The following RAB17 variants were observed in gnomAD, a reference collection of about 807,000 sequenced individuals.
RAB17 encodes ras-related protein Rab-17.
RAB17 carries 15 observed loss-of-function variants against 19.3 expected under a neutral mutation model. The observed-to-expected ratio is 0.78, with a 90% confidence interval of 0.52 to 1.20. The LOEUF (loss-of-function observed/expected upper bound fraction) is 1.20, where lower values mean the gene tolerates loss of function less well. Ranked by LOEUF, RAB17 falls within the 50% of genes most tolerant of loss-of-function variation. The pLI is 0.00. For synonymous variants in RAB17, 110 were observed against 112.8 expected (o/e 0.97, Z 0.16); for missense variants, 262 against 269.3 (o/e 0.97, Z 0.19).
intron 2 of RAB17, among the ~76,000 whole-genome samples, chr2:237,584,627 G>A (rs2081334197): frequency 6.6e-6 from 1 of 152,144 alleles, no homozygotes; most frequent in Admixed American, 6.5e-5. Context: ...GTGTCAGAGT[G>A]AGATCCATCC....
intron 2 of RAB17, 108 bp downstream of exon 2, chr2:237,585,890 A>G: frequency 8.0e-7 from 1 of 1,246,054 alleles, no homozygotes; most frequent in East Asian, 2.6e-5. Flanking sequence ...TCAAGGTCCC[A>G]GCATGGGGAT....
At chr2:237,586,276 C>CTTTTT in intron 1 of RAB17, 119 bp from the exon 2 acceptor site, 1 of 1,024,198 alleles carries the variant, frequency 9.8e-7, no homozygotes, top group Non-Finnish European at 1.4e-6. Flanking sequence ...GAGCTCCCAA[C>CTTTTT]TCAGAGGCCA....
Position 237,574,596 on chromosome 2 carries a change from TCCCCAACCCCC to T in RAB17, c.*412_*422del. 1 of 1,541,488 alleles carries T rather than the reference TCCCCAACCCCC, an allele frequency of 6.5e-7. No individual in the cohort carries two copies. The highest frequency in any genetic ancestry group is 1.2e-5 in the South Asian group (1 of 82,270). On this transcript the variant is annotated 3_prime_UTR_variant, in exon 6 of 6. Transcript: ENST00000264601. ...GCACCACCACCTCCATCTGGCCTGCTCCCCAACCCCCCAGAAGCAGGTGGGCCCAGGCTCCA... is the reference window on the plus strand; with the variant it reads ...GCACCACCACCTCCATCTGGCCTGCTCAGAAGCAGGTGGGCCCAGGCTCCA...
At chr2:237,581,065 C>T (rs574850812) in intron 2 of RAB17, among the ~76,000 whole-genome samples, 1 of 152,270 alleles carries the variant, frequency 6.6e-6, no homozygotes, top group South Asian at 2.1e-4. Context: ...ATTTCTATAT[C>T]TCCATGGCTA....
rs201981971 is a variant in RAB17 at position 237,582,081 on chromosome 2, TGGACTCCCGTCCCTC to T, written c.157+3902_157+3916del. Among the ~76,000 whole-genome samples, 994 of 152,378 alleles carry T rather than the reference TGGACTCCCGTCCCTC, an allele frequency of 6.5e-3. 14 individuals carry two copies. Among genetic ancestry groups the T allele is most frequent in the Admixed American group, 0.034 (515 of 15,302 alleles). ...GGGTGGGCGGGAGGCTGCGCTCACTTGGACTCCCGTCCCTCGGACTCCCGTCCGTTCTGCCTCTGC... is the reference window on the plus strand; with the variant it reads ...GGGTGGGCGGGAGGCTGCGCTCACTTGGACTCCCGTCCGTTCTGCCTCTGC... On this transcript the variant is annotated intron_variant, in intron 2 of 5. Coordinates refer to ENST00000264601, the MANE Select transcript of RAB17 (RefSeq NM_022449.4).
chr2:237,584,671 C>T (rs1159676043), intron 2 of RAB17, among the ~76,000 whole-genome samples: 1 of 152,166 alleles, frequency 6.6e-6, no homozygotes, highest in East Asian at 1.9e-4. Flanking sequence ...CACCTGCTGC[C>T]TCTCTCTGCA....
rs2081348334 is a variant in RAB17 at position 237,586,108 on chromosome 2, TGGCTGGGGGCAGCCCTG to T, written c.30_46del (p.Arg11AlafsTer16). ...GAGAACCAGCTTGAACACACGGGGCTGGCTGGGGGCAGCCCTGGGCTGGGGGGTCCTGTGTGCCTGTG... is the reference window on the plus strand; with the variant it reads ...GAGAACCAGCTTGAACACACGGGGCTGGCTGGGGGGTCCTGTGTGCCTGTG... On this transcript the variant is annotated frameshift_variant, in exon 2 of 6. Transcript: ENST00000264601. LOFTEE classifies it high-confidence loss of function. 2 of 1,612,494 alleles carry T rather than the reference TGGCTGGGGGCAGCCCTG, an allele frequency of 1.2e-6. No homozygotes were observed. The highest frequency in any genetic ancestry group is 1.7e-6 in the Non-Finnish European group (2 of 1,179,282).
chr2:237,578,936 CACACAA>C (rs938000829), intron 2 of RAB17: 4 of 150,760 alleles, frequency 2.7e-5, no homozygotes, highest in African/African-American at 1.0e-4. Flanking sequence ...CACACACACA[CACACAA>C]CTACTCCCAA....
At chr2:237,589,632 G>A (rs745493095) in intron 1 of RAB17, among the ~76,000 whole-genome samples, 1 of 152,162 alleles carries the variant, frequency 6.6e-6, no homozygotes, top group Non-Finnish European at 1.5e-5. Context: ...GGAGCCTTCT[G>A]TCCAAAGAGA....
chr2:237,580,210 G>A (rs1680207042), intron 2 of RAB17, among the ~76,000 whole-genome samples: 2 of 152,138 alleles, frequency 1.3e-5, no homozygotes, highest in Admixed American at 1.3e-4. Flanking sequence ...GGAGAGAAAG[G>A]GCATATGAAT....
intron 3 of RAB17, 64 bp from the exon 4 acceptor site, chr2:237,577,446 AG>A: frequency 1.3e-6 from 2 of 1,522,638 alleles, no homozygotes. Context: ...CTATTCCGGG[AG>A]GGGGAAGCCA....
intron 2 of RAB17, among the ~76,000 whole-genome samples, chr2:237,582,189 CT>C (rs2081314338): frequency 6.6e-6 from 1 of 152,254 alleles, no homozygotes. Flanking sequence ...GTCCATGTCC[CT>C]TTCTGGCTCT....
At chr2:237,588,119 G>A (rs1374579940) in intron 1 of RAB17, among the ~76,000 whole-genome samples, 1 of 152,230 alleles carries the variant, frequency 6.6e-6, no homozygotes, top group Non-Finnish European at 1.5e-5. Flanking sequence ...AGCAGATTTG[G>A]AAACTTAGTC....
intron 1 of RAB17, among the ~76,000 whole-genome samples, chr2:237,589,037 C>T (rs937673615): frequency 8.6e-5 from 13 of 152,042 alleles, no homozygotes; most frequent in Non-Finnish European, 1.9e-4. Context: ...CTGTCCAACA[C>T]GGTGAAACCC....
chr2:237,587,092 C>T (rs2081356677), intron 1 of RAB17, among the ~76,000 whole-genome samples: 1 of 152,180 alleles, frequency 6.6e-6, no homozygotes, highest in African/African-American at 2.4e-5. Context: ...AGGACATAAA[C>T]CTGATTAGAT....
chr2:237,577,980 G>A (rs1162476654), intron 3 of RAB17, 24 bp downstream of exon 3: 2 of 1,581,412 alleles, frequency 1.3e-6, no homozygotes, highest in Admixed American at 3.4e-5. Flanking sequence ...AGGAGGGTGG[G>A]ACGTGCCTCA....
At position 237,587,792 on chromosome 2, in the gene RAB17, G is replaced by A. The variant is rs184319227; in HGVS notation, c.-3-1635C>T. On this transcript the variant is annotated intron_variant, in intron 1 of 5. Coordinates refer to ENST00000264601, the MANE Select transcript of RAB17 (RefSeq NM_022449.4). ...CAAGTATGATGCTGGCTTCAGAGAC[G>A]GATAAAAAACATAACATTAAGTTTT... 1.1e-4 allele frequency among the ~76,000 whole-genome samples: 16 copies of A among 147,564 alleles called. No homozygotes were observed. In the South Asian group the frequency reaches 3.2e-3, roughly 29 times the overall value.
intron 2 of RAB17, 80 bp downstream of exon 2, chr2:237,585,918 C>G: frequency 7.0e-7 from 1 of 1,435,266 alleles, no homozygotes; most frequent in Non-Finnish European, 9.4e-7. Context: ...TGGGCCTCGT[C>G]CCCATCTGCC....
At chr2:237,585,662 C>T in intron 2 of RAB17, 1 of 202,762 alleles carries the variant, frequency 4.9e-6, no homozygotes, top group South Asian at 1.7e-4. Context: ...GGCCAGGGCC[C>T]AGGAGGCTTC....
Sources: allele counts gnomAD v4.1 joint callset (sites outside exome capture counted in the v4.1 genomes callset), GRCh38; gene constraint gnomAD v4.1.1; transcripts MANE v1.5; gene names NCBI Gene and HGNC (gene_info 2026-07-23, HGNC 2026-07-21).